The following CDYL2 variants were observed in gnomAD, a reference collection of about 807,000 sequenced individuals.
CDYL2 encodes the protein chromodomain Y-like protein 2.
Under a neutral mutation model 49.4 loss-of-function variants are expected in CDYL2, and 23 were observed. That is an observed-to-expected ratio of 0.47 (90% CI 0.34 to 0.66). The LOEUF (loss-of-function observed/expected upper bound fraction) is 0.66, where lower values mean the gene tolerates loss of function less well. Among genes scored for constraint, CDYL2 ranks in the 30% least tolerant of loss-of-function variants. CDYL2 has a pLI of 0.01. For synonymous variants in CDYL2, 360 were observed against 268.8 expected, an observed-to-expected ratio of 1.34 and a Z score of -3.32; for missense variants, 678 against 656.4, an observed-to-expected ratio of 1.03 and a Z score of -0.36.
At chr16:80,674,364 G>C (rs1041623726) in intron 2 of CDYL2, among the ~76,000 whole-genome samples, 1 of 152,176 alleles carries the variant, frequency 6.6e-6, no homozygotes. Flanking sequence ...CTTGCACATG[G>C]CAAGCAGTAG....
intron 1 of CDYL2, among the ~76,000 whole-genome samples, chr16:80,708,735 T>G (rs1420873945): frequency 6.6e-6 from 1 of 152,036 alleles, no homozygotes; most frequent in East Asian, 1.9e-4. Flanking sequence ...AACAAATAAA[T>G]AAAACACACA....
At chr16:80,748,645 A>C (rs1277576142) in intron 1 of CDYL2, among the ~76,000 whole-genome samples, 1 of 152,062 alleles carries the variant, frequency 6.6e-6, no homozygotes, top group Non-Finnish European at 1.5e-5. Flanking sequence ...TCTTGTGAAG[A>C]ATAAACAAGA....
chr16:80,741,372 G>A (rs528950854), intron 1 of CDYL2, among the ~76,000 whole-genome samples: 2 of 151,838 alleles, frequency 1.3e-5, no homozygotes, highest in East Asian at 1.9e-4. Context: ...ACACACACTT[G>A]TGATTTAGAG....
intron 2 of CDYL2, among the ~76,000 whole-genome samples, chr16:80,681,767 G>A (rs982013143): frequency 2.0e-5 from 3 of 152,188 alleles, no homozygotes; most frequent in Non-Finnish European, 2.9e-5. Context: ...AGCCTCGGGC[G>A]CCTTCTCAGC....
chr16:80,697,498 C>G (rs1224316318), intron 1 of CDYL2, among the ~76,000 whole-genome samples: 1 of 152,134 alleles, frequency 6.6e-6, no homozygotes, highest in African/African-American at 2.4e-5. Flanking sequence ...AGCTTTTCCT[C>G]TAAGAACTGG....
chr16:80,635,865 C>CATA (rs944861093), intron 2 of CDYL2, among the ~76,000 whole-genome samples: 22 of 152,160 alleles, frequency 1.4e-4, no homozygotes, highest in African/African-American at 5.3e-4. Flanking sequence ...CCAAAACAGA[C>CATA]ATATAGACCA....
chr16:80,747,571 T>G (rs944151867), intron 1 of CDYL2, among the ~76,000 whole-genome samples: 1 of 152,152 alleles, frequency 6.6e-6, no homozygotes, highest in African/African-American at 2.4e-5. Flanking sequence ...TGGTGGTGAA[T>G]AGTAGCTGGT....
At chr16:80,604,812 A>T (rs552432338) in intron 6 of CDYL2, among the ~76,000 whole-genome samples, 3 of 152,340 alleles carry the variant, frequency 2.0e-5, no homozygotes, top group Non-Finnish European at 4.4e-5. Flanking sequence ...CTGTTGCCCA[A>T]TGGTGATACA....
At chr16:80,679,371 C>T (rs531197944) in intron 2 of CDYL2, among the ~76,000 whole-genome samples, 2 of 152,284 alleles carry the variant, frequency 1.3e-5, no homozygotes, top group African/African-American at 4.8e-5. Context: ...CAAAATGTCT[C>T]TGTCAGTAAT....
At chr16:80,771,143 C>T (rs1425866611) in intron 1 of CDYL2, among the ~76,000 whole-genome samples, 2 of 152,200 alleles carry the variant, frequency 1.3e-5, no homozygotes, top group East Asian at 3.8e-4. Flanking sequence ...TATATTTCTC[C>T]ACTGTCTGAT....
In CDYL2 at chr16:80,600,767, T is replaced by C. The variant is rs1424794998; in HGVS notation, c.*3621A>G. On this transcript the variant is annotated 3_prime_UTR_variant, in exon 7 of 7. Transcript: ENST00000570137. ...AAACTAGATTGGAAAATTTAATGGATGTGACTAAATTCCAAATAAAAAAAA... is the reference window on the plus strand; with the variant it reads ...AAACTAGATTGGAAAATTTAATGGACGTGACTAAATTCCAAATAAAAAAAA... 6.7e-6 allele frequency: 1 copy of C among 149,166 alleles called. No individual in the cohort carries two copies. The highest frequency in any genetic ancestry group is 1.5e-5 in the Non-Finnish European group (1 of 67,836). The allele number at this position is 149,166 out of a possible 1,614,324, so 9.2% of individuals were successfully genotyped here.
chr16:80,790,416 G>C (rs16954043), intron 1 of CDYL2, among the ~76,000 whole-genome samples: 1,963 of 152,236 alleles, frequency 0.013, 35 homozygotes, highest in African/African-American at 0.044. Context: ...AGAAAAAAAG[G>C]GTTTACAGTT....
intron 1 of CDYL2, among the ~76,000 whole-genome samples, chr16:80,781,691 A>G (rs1907274946): frequency 6.6e-6 from 1 of 152,200 alleles, no homozygotes; most frequent in African/African-American, 2.4e-5. Context: ...GAAATCATAC[A>G]AAGTACCTTT....
intron 1 of CDYL2, among the ~76,000 whole-genome samples, chr16:80,751,187 C>T (rs903252385): frequency 6.6e-6 from 1 of 152,116 alleles, no homozygotes; most frequent in Non-Finnish European, 1.5e-5. Context: ...AACTTTAGAC[C>T]TCCACTTCCG....
chr16:80,674,954 G>C (rs1909682692), intron 2 of CDYL2, among the ~76,000 whole-genome samples: 2 of 152,202 alleles, frequency 1.3e-5, no homozygotes, highest in African/African-American at 4.8e-5. Flanking sequence ...GTGCATGAGT[G>C]TGTGATGTGT....
rs1906196770 is a variant in CDYL2 at position 80,603,687 on chromosome 16, G to T, written c.*701C>A. The T allele has an allele frequency of 6.6e-6, 1 of 152,432 alleles. No homozygotes were observed. 9.4% of individuals were successfully genotyped at this position (152,432 alleles called of 1,614,324 possible). On this transcript the variant is annotated 3_prime_UTR_variant, in exon 7 of 7. Coordinates refer to ENST00000570137, the MANE Select transcript of CDYL2 (RefSeq NM_152342.4). Reference sequence around the variant, plus strand: ...AATAAATAAATAAAACAAGTCCAAGGAAAGAAAAAACATTTCCCTAGTAGT... The same window carrying T: ...AATAAATAAATAAAACAAGTCCAAGTAAAGAAAAAACATTTCCCTAGTAGT...
chr16:80,669,532 G>A (rs1202308220), intron 2 of CDYL2, among the ~76,000 whole-genome samples: 2 of 152,132 alleles, frequency 1.3e-5, no homozygotes, highest in Admixed American at 6.5e-5. Context: ...GAACAGACAG[G>A]TGTAAGCGTG....
chr16:80,733,723 A>C (rs139075624), intron 1 of CDYL2, among the ~76,000 whole-genome samples: 5 of 152,314 alleles, frequency 3.3e-5, no homozygotes, highest in Non-Finnish European at 7.4e-5. Flanking sequence ...CAGTGATGCA[A>C]CTGTCAGGAT....
chr16:80,718,888 G>A (rs557309463), intron 1 of CDYL2, among the ~76,000 whole-genome samples: 3 of 152,332 alleles, frequency 2.0e-5, no homozygotes, highest in East Asian at 1.9e-4. Flanking sequence ...GGCCACTAAG[G>A]AGGGAAGGAC....
Sources: gnomAD v4.1 joint callset for allele counts (sites outside exome capture counted in the v4.1 genomes callset) on GRCh38, gnomAD v4.1.1 for gene constraint, MANE v1.5 for transcripts, NCBI Gene and HGNC (gene_info 2026-07-23, HGNC 2026-07-21) for gene names.